The following ARHGEF28 variants were observed in gnomAD, a reference collection of about 807,000 sequenced individuals.
The protein encoded by ARHGEF28 is 190 kDa guanine nucleotide exchange factor.
A neutral mutation model predicts 206.6 loss-of-function variants in ARHGEF28; 152 were observed. The observed-to-expected ratio is 0.74, with a 90% CI of 0.64 to 0.84. ARHGEF28 has a LOEUF of 0.84. Ranked by LOEUF, ARHGEF28 falls within the 40% of genes least tolerant of loss-of-function variation. ARHGEF28 has a pLI of 0.00. For synonymous variants in ARHGEF28, 763 were observed against 776.4 expected (o/e 0.98, Z 0.29); for missense variants, 2,028 against 2,073.2 (o/e 0.98, Z 0.42).
chr5:73,892,276 CT>C, intron 27 of ARHGEF28, 46 bp downstream of exon 27: 1 of 1,521,420 alleles, frequency 6.6e-7, no homozygotes, highest in African/African-American at 1.4e-5. Context: ...AGTTGTTCAA[CT>C]GGGGAAAATA....
intron 2 of ARHGEF28, among the ~76,000 whole-genome samples, chr5:73,704,258 T>G (rs1748792097): frequency 6.6e-6 from 1 of 152,056 alleles, no homozygotes; most frequent in Non-Finnish European, 1.5e-5. Flanking sequence ...CTAAAATAAC[T>G]AAAGGACATC....
intron 6 of ARHGEF28, among the ~76,000 whole-genome samples, chr5:73,778,836 A>T (rs115322410): frequency 6.6e-6 from 1 of 152,248 alleles, no homozygotes; most frequent in African/African-American, 2.4e-5. Context: ...TAGATTTTGT[A>T]TAAAAAGTAT....
intron 4 of ARHGEF28, among the ~76,000 whole-genome samples, chr5:73,769,057 A>G (rs112799306): frequency 0.08 from 12,199 of 152,146 alleles, 1,601 homozygotes; most frequent in African/African-American, 0.28. Context: ...CCCTAGCCAT[A>G]TGGAACTGTA....
chr5:73,649,821 G>A (rs183475645), intron 1 of ARHGEF28, among the ~76,000 whole-genome samples: 4 of 152,270 alleles, frequency 2.6e-5, no homozygotes, highest in African/African-American at 7.2e-5. Context: ...GAGAAAAGAC[G>A]GGCTGGCACA....
At chr5:73,939,982 A>C (rs1167687678) in intron 35 of ARHGEF28, among the ~76,000 whole-genome samples, 1 of 151,930 alleles carries the variant, frequency 6.6e-6, no homozygotes, top group Non-Finnish European at 1.5e-5. Context: ...CCTCAGAGCT[A>C]TTTGCCCTCC....
chr5:73,861,320 AAC>A (rs1759387279), intron 16 of ARHGEF28, among the ~76,000 whole-genome samples: 1 of 152,222 alleles, frequency 6.6e-6, no homozygotes, highest in Non-Finnish European at 1.5e-5. Flanking sequence ...TAGCTTTAAA[AAC>A]AGTCATTTCT....
chr5:73,784,577 C>G (rs1754042572), intron 7 of ARHGEF28, among the ~76,000 whole-genome samples: 2 of 152,260 alleles, frequency 1.3e-5, no homozygotes, highest in South Asian at 4.1e-4. Context: ...GTACAGAACA[C>G]TGATCTTGGA....
Position 73,697,746 on chromosome 5 carries a change from A to G in ARHGEF28, c.33+12862A>G, listed in dbSNP as rs146016695. On this transcript the variant is annotated intron_variant, in intron 2 of 35. Coordinates refer to ENST00000513042, the MANE Select transcript of ARHGEF28 (RefSeq NM_001177693.2). Reference sequence around the variant, plus strand: ...ATTTCAACATGAGTTTCTGGAGGGGACATTCAAACCATAGCAACCATGAAG... The same window carrying G: ...ATTTCAACATGAGTTTCTGGAGGGGGCATTCAAACCATAGCAACCATGAAG... Among the ~76,000 whole-genome samples the G allele has an allele frequency of 2.6e-5, 4 of 152,278 alleles. No homozygotes were observed. In the East Asian group the frequency reaches 7.7e-4, roughly 29 times the overall value.
At chr5:73,894,261 C>T in intron 28 of ARHGEF28, 132 bp from the exon 29 acceptor site, 1 of 840,718 alleles carries the variant, frequency 1.2e-6, no homozygotes, top group East Asian at 2.7e-5. Flanking sequence ...TGCATCTGCC[C>T]CACTCATCAA....
intron 8 of ARHGEF28, among the ~76,000 whole-genome samples, chr5:73,794,950 A>C (rs1407841623): frequency 6.6e-6 from 1 of 152,130 alleles, no homozygotes; most frequent in African/African-American, 2.4e-5. Context: ...TTTATAACCA[A>C]ACCTAGCTAT....
At chr5:73,687,410 T>C (rs1486269401) in intron 2 of ARHGEF28, among the ~76,000 whole-genome samples, 1 of 151,502 alleles carries the variant, frequency 6.6e-6, no homozygotes, top group Non-Finnish European at 1.5e-5. Flanking sequence ...TATGATAGAG[T>C]ATATAACATT....
chr5:73,658,741 A>T (rs1308531581), intron 1 of ARHGEF28, among the ~76,000 whole-genome samples: 1 of 152,178 alleles, frequency 6.6e-6, no homozygotes, highest in East Asian at 1.9e-4. Flanking sequence ...AGAGAATTGT[A>T]CAGTGGATTT....
intron 9 of ARHGEF28, among the ~76,000 whole-genome samples, chr5:73,807,015 C>A: frequency 6.9e-6 from 1 of 145,550 alleles, no homozygotes. Flanking sequence ...AGTCTGTGAA[C>A]AAGTCTATGG....
At chr5:73,877,797 TA>T (rs1386171675) in intron 22 of ARHGEF28, among the ~76,000 whole-genome samples, 1 of 152,148 alleles carries the variant, frequency 6.6e-6, no homozygotes, top group African/African-American at 2.4e-5. Flanking sequence ...CAGTTTGTTA[TA>T]ATTTCTGTTC....
intron 26 of ARHGEF28, among the ~76,000 whole-genome samples, chr5:73,891,539 CTTTT>C (rs569877219): frequency 6.7e-6 from 1 of 148,548 alleles, no homozygotes; most frequent in African/African-American, 2.5e-5. Context: ...CAACCAATTC[CTTTT>C]TTTTTTCTTT....
chr5:73,797,483 T>G (rs1580631406), intron 9 of ARHGEF28, among the ~76,000 whole-genome samples: 1 of 152,228 alleles, frequency 6.6e-6, no homozygotes, highest in East Asian at 1.9e-4. Flanking sequence ...TCACTGCAAC[T>G]TCTGCCTCCT....
intron 33 of ARHGEF28, chr5:73,909,084 T>C (rs1309826095): frequency 4.8e-6 from 1 of 206,672 alleles, no homozygotes; most frequent in Non-Finnish European, 9.8e-6. Context: ...TGTGAATTTA[T>C]GTGCCGAGTT....
At chr5:73,930,000 A>G (rs184516695) in intron 35 of ARHGEF28, among the ~76,000 whole-genome samples, 1 of 152,298 alleles carries the variant, frequency 6.6e-6, no homozygotes, top group Non-Finnish European at 1.5e-5. Flanking sequence ...TAATGAAAAA[A>G]TTTTAGTATA....
intron 35 of ARHGEF28, among the ~76,000 whole-genome samples, chr5:73,924,538 G>A (rs1763695362): frequency 6.6e-6 from 1 of 152,136 alleles, no homozygotes; most frequent in Non-Finnish European, 1.5e-5. Flanking sequence ...GGTGAGAAAG[G>A]AGTACATGAT....
Sources: allele counts gnomAD v4.1 joint callset (sites outside exome capture counted in the v4.1 genomes callset), GRCh38; gene constraint gnomAD v4.1.1; transcripts MANE v1.5; gene names NCBI Gene and HGNC (gene_info 2026-07-23, HGNC 2026-07-21).